PTGIS: variants seen among roughly 807,000 people sequenced by gnomAD.
PTGIS encodes prostaglandin I2 synthase.
PTGIS carries 45 observed loss-of-function variants against 50.3 expected under a neutral mutation model. The ratio of observed to expected loss-of-function variants is 0.90; its 90% CI spans 0.70 to 1.15. The LOEUF is 1.15. Ranked by LOEUF, PTGIS falls within the 50% of genes most tolerant of loss-of-function variation. The pLI is 0.00. For synonymous variants in PTGIS, 260 were observed against 267.7 expected (o/e 0.97, Z 0.28); for missense variants, 668 against 661.3 (o/e 1.01, Z -0.11).
At chr20:49,560,706 ACAG>A (rs918697795) in intron 1 of PTGIS, among the ~76,000 whole-genome samples, 1 of 152,178 alleles carries the variant, frequency 6.6e-6, no homozygotes, top group African/African-American at 2.4e-5. Context: ...GGCAGAGGCA[ACAG>A]CAAGTGCAAA....
intron 1 of PTGIS, among the ~76,000 whole-genome samples, chr20:49,551,794 A>C (rs893392270): frequency 7.4e-6 from 1 of 135,330 alleles, no homozygotes; most frequent in South Asian, 2.5e-4. Flanking sequence ...GTGTGTATGC[A>C]TGTGTATGTG....
At chr20:49,529,329 A>T (rs1981874511) in intron 5 of PTGIS, among the ~76,000 whole-genome samples, 1 of 152,090 alleles carries the variant, frequency 6.6e-6, no homozygotes, top group Non-Finnish European at 1.5e-5. Context: ...CAACTTTTTT[A>T]GCTCCCACGT....
At chr20:49,550,468 G>C (rs896517938) in intron 1 of PTGIS, among the ~76,000 whole-genome samples, 1 of 152,144 alleles carries the variant, frequency 6.6e-6, no homozygotes, top group Non-Finnish European at 1.5e-5. Flanking sequence ...TGATTCTGTG[G>C]TTTTTCTTCT....
Position 49,550,127 on chromosome 20 carries a change from A to T in PTGIS, c.137T>A (p.Phe46Tyr). Residue 46 changes from phenylalanine (F) to tyrosine (Y), a missense_variant, in exon 2 of 10, where the codon TTT becomes TAT. Physicochemically the swap from Phe to Tyr is conservative, Grantham distance 22. Transcript: ENST00000244043. The part of the protein sequence containing the change: ...SIPWLGYALD[F>Y]GKDAASFLTR... ...GAGGAAGCTGGCAGCATCTTTTCCA[A>T]AGTCCAAGGCATACCCCAACCAGGG... 3.1e-6 allele frequency: 5 copies of T among 1,614,152 alleles called. No homozygotes were observed. Among genetic ancestry groups the T allele is most frequent in the Non-Finnish European group, 2.5e-6 (3 of 1,180,028 alleles).
chr20:49,522,711 C>T (rs529396393), intron 6 of PTGIS, among the ~76,000 whole-genome samples: 64 of 152,244 alleles, frequency 4.2e-4, no homozygotes, highest in Middle Eastern at 6.8e-3. Flanking sequence ...AACAATGAAA[C>T]GCACAGAAAC....
At chr20:49,524,340 G>A in intron 5 of PTGIS, 101 bp from the exon 6 acceptor site, 2 of 1,348,920 alleles carry the variant, frequency 1.5e-6, no homozygotes, top group Non-Finnish European at 2.0e-6. Context: ...TCTTCTGAAT[G>A]TCACTCATTG....
intron 5 of PTGIS, among the ~76,000 whole-genome samples, chr20:49,530,701 A>G (rs774473234): frequency 1.6e-4 from 25 of 152,040 alleles, no homozygotes; most frequent in Admixed American, 1.3e-4. Context: ...TGCCATTTGT[A>G]TGTCTTCTTT....
chr20:49,556,493 G>C (rs1471160169), intron 1 of PTGIS, among the ~76,000 whole-genome samples: 1 of 152,176 alleles, frequency 6.6e-6, no homozygotes, highest in South Asian at 2.1e-4. Context: ...CCTTGGCTGG[G>C]TGTGAGGCTT....
intron 5 of PTGIS, among the ~76,000 whole-genome samples, chr20:49,534,091 T>C (rs1313413925): frequency 6.6e-6 from 1 of 152,220 alleles, no homozygotes; most frequent in African/African-American, 2.4e-5. Context: ...CACTCTGTTT[T>C]AGATGCATAG....
intron 1 of PTGIS, among the ~76,000 whole-genome samples, chr20:49,560,613 C>T (rs971733404): frequency 2.0e-5 from 3 of 152,166 alleles, no homozygotes; most frequent in Non-Finnish European, 2.9e-5. Flanking sequence ...TCAAGGAGGG[C>T]CTCCTCAGGA....
chr20:49,539,587 C>A lies in PTGIS; in HGVS notation c.656G>T (p.Arg219Leu). 1 of 1,613,728 alleles carries A rather than the reference C, an allele frequency of 6.2e-7. No homozygotes were observed. Among genetic ancestry groups the A allele is most frequent in the Non-Finnish European group, 8.5e-7 (1 of 1,179,928 alleles). ...GTGCTTACCCACTGACAGGGAGCCACGGGCCAGTTTGGGGAGCAGCCGGTC... is the reference window on the plus strand; with the variant it reads ...GTGCTTACCCACTGACAGGGAGCCAAGGGCCAGTTTGGGGAGCAGCCGGTC... ...QLDRLLPKLARGSLSVGDKDH... is the reference protein window; with the variant it reads ...QLDRLLPKLALGSLSVGDKDH... The change falls in exon 5 of 10, where the codon CGT becomes CTT. Residue 219 changes from arginine to leucine, a missense_variant. Transcript: ENST00000244043.
rs373851981 is a variant in PTGIS at position 49,507,952 on chromosome 20, C to T, written c.1471G>A (p.Asp491Asn). 15 of 1,613,168 alleles carry T rather than the reference C, an allele frequency of 9.3e-6. No homozygotes were observed. The highest frequency in any genetic ancestry group is 8.0e-5 in the African/African-American group (6 of 74,928). Reference sequence around the variant, plus strand: ...CGGATGCGGTAGCGGACGGGCACGTCGTGTTCCGGCTGCATCAGACCGAAG... The same window carrying T: ...CGGATGCGGTAGCGGACGGGCACGTTGTGTTCCGGCTGCATCAGACCGAAG... ...YGFGLMQPEHDVPVRYRIRP is the reference protein window; with the variant it reads ...YGFGLMQPEHNVPVRYRIRP The change falls in exon 10 of 10, where the codon GAC (aspartate) becomes AAC (asparagine). Residue 491 changes from aspartate to asparagine, a missense_variant. Coordinates refer to ENST00000244043, the MANE Select transcript of PTGIS (RefSeq NM_000961.4).
In PTGIS at chr20:49,514,270, C is replaced by A. The variant is rs778803633; in HGVS notation, c.981G>T (p.Thr327=). ...CTAGAACCTTCTGTGGGAGAGTGGTCGTCTGCGAGACAGGCTGCTCCGCTT... is the reference window on the plus strand; with the variant it reads ...CTAGAACCTTCTGTGGGAGAGTGGTAGTCTGCGAGACAGGCTGCTCCGCTT... ...LWQAEQPVSQ[T]TTLPQKVLDS... The change falls in exon 7 of 10, where the codon ACG becomes ACT. Residue 327 remains threonine, a synonymous_variant. Coordinates refer to ENST00000244043, the MANE Select transcript of PTGIS (RefSeq NM_000961.4). 1 of 1,614,020 alleles carries A rather than the reference C, an allele frequency of 6.2e-7. No homozygotes were observed. The highest frequency in any genetic ancestry group is 1.1e-5 in the South Asian group (1 of 91,054).
Position 49,511,015 on chromosome 20 carries a change from G to C in PTGIS, c.1358+13C>G. The C allele has an allele frequency of 6.2e-7, 1 of 1,611,678 alleles. No homozygotes were observed. On this transcript the variant is annotated intron_variant, in intron 9 of 9. Coordinates refer to ENST00000244043, the MANE Select transcript of PTGIS (RefSeq NM_000961.4). ...CAGGAGCCACCCTGGCCCTGCCCTG[G>C]CCCCCCACTCACTGTTTGATGCTGT...
intron 1 of PTGIS, among the ~76,000 whole-genome samples, chr20:49,557,064 G>A (rs574610481): frequency 5.2e-4 from 79 of 152,130 alleles, no homozygotes; most frequent in African/African-American, 1.8e-3. Context: ...AGTTTTCCAG[G>A]TTCGTTCTTT....
intron 1 of PTGIS, among the ~76,000 whole-genome samples, chr20:49,555,627 T>C (rs1982608032): frequency 1.3e-5 from 2 of 152,238 alleles, no homozygotes; most frequent in Non-Finnish European, 2.9e-5. Flanking sequence ...CAAAATTGTA[T>C]GAGATTCCTG....
intron 4 of PTGIS, among the ~76,000 whole-genome samples, chr20:49,541,997 G>A (rs1308529048): frequency 2.0e-5 from 3 of 152,184 alleles, no homozygotes; most frequent in Non-Finnish European, 4.4e-5. Context: ...CTCTGAGCAG[G>A]TGGCGCTCGC....
chr20:49,516,938 C>T (rs1046203199), intron 6 of PTGIS, among the ~76,000 whole-genome samples: 5 of 152,268 alleles, frequency 3.3e-5, no homozygotes, highest in Admixed American at 3.3e-4. Flanking sequence ...GGTTCAAATC[C>T]CAGCTCCCCA....
chr20:49,510,273 A>G (rs1387344636), intron 9 of PTGIS, among the ~76,000 whole-genome samples: 1 of 152,130 alleles, frequency 6.6e-6, no homozygotes, highest in African/African-American at 2.4e-5. Context: ...TTCTTGAGGA[A>G]ACTGAGGCTA....
Sources: allele counts gnomAD v4.1 joint callset (sites outside exome capture counted in the v4.1 genomes callset), GRCh38; gene constraint gnomAD v4.1.1; transcripts MANE v1.5; gene names NCBI Gene and HGNC (gene_info 2026-07-23, HGNC 2026-07-21).